Variants in GNG7 observed in about 807,000 individuals in gnomAD.
GNG7 encodes guanine nucleotide-binding protein G(I)/G(S)/G(O) subunit gamma-7.
A neutral mutation model predicts 4.0 loss-of-function variants in GNG7; 1 was observed. The observed-to-expected ratio is 0.25, with a 90% CI of 0.09 to 1.18. GNG7 has a LOEUF of 1.18. Among genes scored for constraint, GNG7 ranks in the 50% most tolerant of loss-of-function variants. GNG7 has a pLI of 0.50. For missense variants in GNG7, 86 were observed against 91.9 expected, an observed-to-expected ratio of 0.94 and a Z score of 0.26; for synonymous variants, 34 against 36.9, an observed-to-expected ratio of 0.92 and a Z score of 0.29.
chr19:2,674,177 A>T (rs1349443132), intron 1 of GNG7, among the ~76,000 whole-genome samples: 2 of 150,314 alleles, frequency 1.3e-5, no homozygotes, highest in East Asian at 3.9e-4. Flanking sequence ...AGGCAAAAGA[A>T]TTGCCTGAAC....
intron 1 of GNG7, among the ~76,000 whole-genome samples, chr19:2,661,945 T>C (rs953594223): frequency 6.6e-6 from 1 of 152,100 alleles, no homozygotes; most frequent in African/African-American, 2.4e-5. Context: ...AAATTGCTTT[T>C]CCTCTTGCTC....
chr19:2,533,808 ATGT>A (rs1322739582), intron 3 of GNG7, among the ~76,000 whole-genome samples: 1 of 152,194 alleles, frequency 6.6e-6, no homozygotes, highest in Non-Finnish European at 1.5e-5. Flanking sequence ...AACAACAAAA[ATGT>A]TGTAGAGAGG....
chr19:2,562,257 G>A (rs1010508357), intron 2 of GNG7, among the ~76,000 whole-genome samples: 41 of 150,032 alleles, frequency 2.7e-4, no homozygotes, highest in Admixed American at 1.4e-3. Flanking sequence ...CACATCTACA[G>A]CGGGTTCCTT....
chr19:2,568,775 A>G (rs1980046678), intron 2 of GNG7, among the ~76,000 whole-genome samples: 1 of 145,474 alleles, frequency 6.9e-6, no homozygotes, highest in Non-Finnish European at 1.5e-5. Flanking sequence ...TATACACATA[A>G]ATACACATAC....
chr19:2,522,967 C>T (rs1377386955), intron 3 of GNG7, among the ~76,000 whole-genome samples: 4 of 151,208 alleles, frequency 2.6e-5, no homozygotes, highest in Admixed American at 1.3e-4. Flanking sequence ...CCAGCTCCAG[C>T]GATACTCTCA....
chr19:2,520,570 G>A, intron 4 of GNG7, 38 bp downstream of exon 4: 1 of 1,240,360 alleles, frequency 8.1e-7, no homozygotes, highest in East Asian at 2.5e-5. Context: ...GCCCCCAAGG[G>A]TCTCTCCCCT....
chr19:2,627,694 G>A (rs1982055430), intron 2 of GNG7, among the ~76,000 whole-genome samples: 1 of 152,226 alleles, frequency 6.6e-6, no homozygotes, highest in South Asian at 2.1e-4. Context: ...ATTCCAGGAG[G>A]CTGATCAGCT....
At chr19:2,590,202 G>T (rs1431854797) in intron 2 of GNG7, among the ~76,000 whole-genome samples, 2 of 152,094 alleles carry the variant, frequency 1.3e-5, no homozygotes, top group African/African-American at 2.4e-5. Flanking sequence ...TCTTATCCAG[G>T]TGGATTTTTC....
chr19:2,555,911 G>A (rs1456806536), intron 2 of GNG7, among the ~76,000 whole-genome samples: 1 of 151,702 alleles, frequency 6.6e-6, no homozygotes, highest in Non-Finnish European at 1.5e-5. Flanking sequence ...GATCGCGAGG[G>A]GGGGCCCACG....
intron 1 of GNG7, among the ~76,000 whole-genome samples, chr19:2,657,391 T>C (rs1310474923): frequency 4.7e-4 from 42 of 89,336 alleles, no homozygotes; most frequent in African/African-American, 1.8e-3. Context: ...TATATATATA[T>C]ATATATATAC....
In GNG7 at chr19:2,614,293, G is replaced by A. The variant is rs185036332; in HGVS notation, c.-78+31931C>T. On this transcript the variant is annotated intron_variant, in intron 2 of 4. Transcript: ENST00000382159. The surrounding 1 kb of genome is among the most constrained non-coding windows in gnomAD (Gnocchi z 6.0). ...GTGTACCCGCAGGGGGGCCCTGCAC[G>A]TCGGGTCTCAGGCACATGTGTGGTG... Among the ~76,000 whole-genome samples, 4 of 152,224 alleles carry A rather than the reference G, an allele frequency of 2.6e-5. No homozygotes were observed. The highest frequency in any genetic ancestry group is 4.4e-5 in the Non-Finnish European group (3 of 68,034).
chr19:2,628,024 A>T (rs926888664), intron 2 of GNG7, among the ~76,000 whole-genome samples: 4 of 152,180 alleles, frequency 2.6e-5, no homozygotes, highest in African/African-American at 9.7e-5. Context: ...TTGCCATGTG[A>T]CCCTGGGCAC....
intron 2 of GNG7, among the ~76,000 whole-genome samples, chr19:2,559,813 A>ACTTTTGT (rs1555693854): frequency 8.6e-5 from 13 of 150,456 alleles, no homozygotes; most frequent in Admixed American, 2.6e-4. Flanking sequence ...TGCCTGGCTC[A>ACTTTTGT]AAGGTGTCTT....
intron 1 of GNG7, chr19:2,701,134 A>G (rs1363835333): frequency 6.6e-6 from 1 of 152,098 alleles, no homozygotes; most frequent in Non-Finnish European, 1.5e-5. Context: ...TATCCTAGAA[A>G]TAAACCTCAA....
intron 2 of GNG7, among the ~76,000 whole-genome samples, chr19:2,607,321 C>G (rs1433940612): frequency 1.3e-5 from 2 of 151,408 alleles, no homozygotes; most frequent in Admixed American, 1.3e-4. Context: ...AGTTCAAGAC[C>G]AGCCTGGCCA....
chr19:2,658,569 A>C (rs1983056759), intron 1 of GNG7, among the ~76,000 whole-genome samples: 2 of 152,094 alleles, frequency 1.3e-5, no homozygotes, highest in Non-Finnish European at 2.9e-5. Context: ...ATGCCACGGA[A>C]TATGATTCAG....
chr19:2,647,938 G>T (rs1982709175), intron 1 of GNG7, among the ~76,000 whole-genome samples: 1 of 145,728 alleles, frequency 6.9e-6, no homozygotes, highest in Admixed American at 7.1e-5. Context: ...TGAGGCAGGA[G>T]AATCGTTTGA....
At chr19:2,678,341 A>T (rs1430432985) in intron 1 of GNG7, among the ~76,000 whole-genome samples, 1 of 152,220 alleles carries the variant, frequency 6.6e-6, no homozygotes, top group African/African-American at 2.4e-5. Flanking sequence ...GCTTCTGGAA[A>T]CTTCCAGAAT....
chr19:2,600,036 T>TA (rs1981151868), intron 2 of GNG7, among the ~76,000 whole-genome samples: 1 of 151,954 alleles, frequency 6.6e-6, no homozygotes, highest in South Asian at 2.1e-4. Context: ...CTATGGCATG[T>TA]AAAAATCTCA....
Sources: gnomAD v4.1 joint callset for allele counts (sites outside exome capture counted in the v4.1 genomes callset) on GRCh38, gnomAD v4.1.1 for gene constraint, Gnocchi (gnomAD v3.1) non-coding constraint, MANE v1.5 for transcripts, NCBI Gene and HGNC (gene_info 2026-07-23, HGNC 2026-07-21) for gene names.